XXYLT1: variants seen among roughly 807,000 people sequenced by gnomAD.
XXYLT1 encodes xyloside xylosyltransferase 1, also known as UDP-xylose:alpha-xyloside alpha-1,3-xylosyltransferase.
In XXYLT1, 20 loss-of-function variants were observed where a neutral mutation model predicts 28.9. That is an observed-to-expected ratio of 0.69 (90% CI 0.49 to 1.00). The LOEUF is 1.00. Among genes scored for constraint, XXYLT1 ranks in the 50% least tolerant of loss-of-function variants. The pLI, the probability that XXYLT1 is intolerant of heterozygous loss-of-function variation, is 0.00. For synonymous variants in XXYLT1, 257 were observed against 253.8 expected, an observed-to-expected ratio of 1.01 and a Z score of -0.12; for missense variants, 542 against 560.1, an observed-to-expected ratio of 0.97 and a Z score of 0.33.
intron 3 of XXYLT1, among the ~76,000 whole-genome samples, chr3:195,110,888 CGTGT>C (rs200681794): frequency 0.63 from 63,090 of 99,798 alleles, 19,430 homozygotes; most frequent in Middle Eastern, 0.73. Context: ...TGTATGTGTG[CGTGT>C]GTGTGGGTGA....
rs1002667669 is a variant in XXYLT1 at position 195,173,682 on chromosome 3, G to A, written c.653-17101C>T. 1.3e-5 allele frequency among the ~76,000 whole-genome samples: 2 copies of A among 152,110 alleles called. No individual in the cohort carries two copies. Among genetic ancestry groups the A allele is most frequent in the Non-Finnish European group, 2.9e-5 (2 of 68,024 alleles). ...AGTCCACTGACTCGGGGTAAAGTAC[G>A]GGCTCAGGGGAATCCTACTGAAAGG... On this transcript the variant is annotated intron_variant, in intron 2 of 3. Transcript: ENST00000310380. This position sits in a 1 kb window ranked among gnomAD's most constrained non-coding sequence, Gnocchi z 4.3.
At position 195,226,762 on chromosome 3, in the gene XXYLT1, T is replaced by C. The variant is rs1283265440; in HGVS notation, c.599A>G (p.Tyr200Cys). The change falls in exon 2 of 4, where the codon TAC becomes TGC. Residue 200 changes from tyrosine to cysteine, a missense_variant. By Grantham distance (194) the Tyr-to-Cys change is radical (BLOSUM62 -2). Coordinates refer to ENST00000310380, the MANE Select transcript of XXYLT1 (RefSeq NM_152531.5). ...CGAGAGGAAGAAGATGGAGTCACTG[T>C]AGTAGGTTCCCAAGCCAGCACTGAA... Reference protein sequence around the residue: ...KHFSAGLGTYYSDSIFFLSVA... With the variant: ...KHFSAGLGTYCSDSIFFLSVA... 5.6e-6 allele frequency: 9 copies of C among 1,613,192 alleles called. No individual in the cohort carries two copies. Among genetic ancestry groups the C allele is most frequent in the East Asian group, 2.2e-5 (1 of 44,842 alleles).
chr3:195,113,722 C>A (rs1717899783), intron 3 of XXYLT1, among the ~76,000 whole-genome samples: 1 of 152,168 alleles, frequency 6.6e-6, no homozygotes, highest in Non-Finnish European at 1.5e-5. Context: ...GCTGAGGGAG[C>A]CTGCACAGCA....
chr3:195,144,446 G>A (rs943826711), intron 3 of XXYLT1, among the ~76,000 whole-genome samples: 7 of 151,696 alleles, frequency 4.6e-5, no homozygotes, highest in African/African-American at 7.3e-5. Flanking sequence ...GTGCAATCTC[G>A]GCTCACTGCA....
chr3:195,081,946 G>A (rs770671260), intron 3 of XXYLT1, among the ~76,000 whole-genome samples: 1 of 152,196 alleles, frequency 6.6e-6, no homozygotes, highest in Non-Finnish European at 1.5e-5. Context: ...GAGGATTCTT[G>A]TCAGTCCTGA....
intron 2 of XXYLT1, among the ~76,000 whole-genome samples, chr3:195,169,875 T>A (rs1238385490): frequency 5.1e-4 from 77 of 149,972 alleles, no homozygotes; most frequent in African/African-American, 1.6e-3. Flanking sequence ...ATATATTTTT[T>A]TTTTTTTGAG....
At chr3:195,247,273 TCCACGTATTCA>T (rs1462269062) in intron 1 of XXYLT1, among the ~76,000 whole-genome samples, 2 of 152,170 alleles carry the variant, frequency 1.3e-5, no homozygotes, top group African/African-American at 4.8e-5. Flanking sequence ...TCGGTCACAG[TCCACGTATTCA>T]CCAAGCCGAG....
intron 3 of XXYLT1, among the ~76,000 whole-genome samples, chr3:195,155,215 C>T (rs903310): frequency 0.39 from 59,402 of 152,080 alleles, 13,757 homozygotes; most frequent in East Asian, 0.84. Flanking sequence ...GCTGAAGCTG[C>T]CTCTTCACCC....
intron 2 of XXYLT1, among the ~76,000 whole-genome samples, chr3:195,211,570 A>G (rs1057378905): frequency 1.4e-4 from 21 of 152,246 alleles, no homozygotes; most frequent in African/African-American, 4.6e-4. Flanking sequence ...CACAGCAGTG[A>G]ATGAAACACA....
chr3:195,156,574 C>T lies in XXYLT1; in HGVS notation c.660G>A (p.Leu220=). 2 of 1,614,186 alleles carry T rather than the reference C, an allele frequency of 1.2e-6. No homozygotes were observed. Among genetic ancestry groups the T allele is most frequent in the Non-Finnish European group, 1.7e-6 (2 of 1,180,020 alleles). ...GGTCTAGGTCCAGCTGAATGATCTG[C>T]AGGATCTCTGCGGGAAAGAGAAAAG... ...AMHQIMPKEI[L]QIIQLDLDLK... Residue 220 remains leucine, a synonymous_variant, in exon 3 of 4, where the codon CTG becomes CTA. Coordinates refer to ENST00000310380, the MANE Select transcript of XXYLT1 (RefSeq NM_152531.5).
At chr3:195,242,549 G>C (rs895803806) in intron 1 of XXYLT1, among the ~76,000 whole-genome samples, 2 of 152,202 alleles carry the variant, frequency 1.3e-5, no homozygotes, top group African/African-American at 4.8e-5. Flanking sequence ...AAGGAAGAAA[G>C]AAGGGAACAG....
intron 3 of XXYLT1, among the ~76,000 whole-genome samples, chr3:195,149,927 G>A (rs535451532): frequency 6.8e-4 from 103 of 152,316 alleles, no homozygotes; most frequent in African/African-American, 2.4e-3. Flanking sequence ...CATATCCAGC[G>A]TTTTTGTCTT....
Position 195,201,901 on chromosome 3 carries a change from G to A in XXYLT1, c.652+24808C>T, listed in dbSNP as rs530152503. On this transcript the variant is annotated intron_variant, in intron 2 of 3. Transcript: ENST00000310380. The stretch of plus-strand genomic sequence containing the variant: ...CCGACAACTAAGACTAGACAGGGCC[G>A]GGCGCGGTGGCTCACACCTGTAATC... 5.8e-4 allele frequency among the ~76,000 whole-genome samples: 88 copies of A among 152,284 alleles called. 2 individuals carry two copies. Among genetic ancestry groups the A allele is most frequent in the Admixed American group, 7.2e-4 (11 of 15,294 alleles).
chr3:195,094,248 G>C (rs1233414484), intron 3 of XXYLT1: 2 of 152,878 alleles, frequency 1.3e-5, no homozygotes, highest in Admixed American at 6.5e-5. Flanking sequence ...GCCCCAAGGA[G>C]GCCCCACGCC....
intron 3 of XXYLT1, among the ~76,000 whole-genome samples, chr3:195,109,560 A>G (rs1717353284): frequency 2.2e-5 from 2 of 92,334 alleles, no homozygotes; most frequent in African/African-American, 3.9e-5. Context: ...GTGTGTGTGC[A>G]TGGTGTGTGT....
rs1283944118 is a variant in XXYLT1, at chr3:195,255,233, C to T, written c.504+15322G>A. Reference sequence around the variant, plus strand: ...GTACCATGCTCGCACAACAGGGAGCCGCCGACCAGGCCTGGAGATCCCTGT... The same window carrying T: ...GTACCATGCTCGCACAACAGGGAGCTGCCGACCAGGCCTGGAGATCCCTGT... On this transcript the variant is annotated intron_variant, in intron 1 of 3. Transcript: ENST00000310380. This position sits in a 1 kb window ranked among gnomAD's most constrained non-coding sequence, Gnocchi z 4.5. Among the ~76,000 whole-genome samples the T allele has an allele frequency of 1.3e-5, 2 of 152,214 alleles. No individual in the cohort carries two copies. The highest frequency in any genetic ancestry group is 2.4e-5 in the African/African-American group (1 of 41,448).
At chr3:195,155,939 C>T (rs1340014698) in intron 3 of XXYLT1, among the ~76,000 whole-genome samples, 1 of 152,196 alleles carries the variant, frequency 6.6e-6, no homozygotes, top group South Asian at 2.1e-4. Flanking sequence ...TGGAGTTTCT[C>T]CATGACACAG....
chr3:195,076,592 C>T lies in XXYLT1; in HGVS notation c.786-6481G>A, dbSNP rs971734216. On this transcript the variant is annotated intron_variant, in intron 3 of 3. Coordinates refer to ENST00000310380, the MANE Select transcript of XXYLT1 (RefSeq NM_152531.5). The surrounding 1 kb of genome is among the most constrained non-coding windows in gnomAD (Gnocchi z 5.3). The stretch of plus-strand genomic sequence containing the variant: ...CCATCGCAAAGTACCACCAATGGGG[C>T]GGCTTCAGCAGCAGAAAGGTGCTGC... Among the ~76,000 whole-genome samples the T allele has an allele frequency of 7.2e-5, 11 of 152,204 alleles. No individual in the cohort carries two copies. The highest frequency in any genetic ancestry group is 1.5e-4 in the Non-Finnish European group (10 of 68,006).
At chr3:195,196,664 G>A (rs777987152) in intron 2 of XXYLT1, among the ~76,000 whole-genome samples, 3 of 152,174 alleles carry the variant, frequency 2.0e-5, no homozygotes, top group Non-Finnish European at 4.4e-5. Flanking sequence ...AAAATAACCT[G>A]CCTGGAATTT....
Sources: gnomAD v4.1 joint callset for allele counts (sites outside exome capture counted in the v4.1 genomes callset) on GRCh38, gnomAD v4.1.1 for gene constraint, Gnocchi (gnomAD v3.1) non-coding constraint, MANE v1.5 for transcripts, NCBI Gene and HGNC (gene_info 2026-07-23, HGNC 2026-07-21) for gene names.